The following TSC1 variants were observed in gnomAD, a reference collection of about 807,000 sequenced individuals.
TSC1 encodes TSC complex subunit 1.
TSC1 carries 20 observed loss-of-function variants against 124.3 expected under a neutral mutation model. That is an observed-to-expected ratio of 0.16 (90% CI 0.11 to 0.23). The LOEUF (loss-of-function observed/expected upper bound fraction) is 0.23, where lower values mean the gene tolerates loss of function less well. Among genes scored for constraint, TSC1 ranks in the 10% least tolerant of loss-of-function variants. The pLI, the probability that TSC1 is intolerant of heterozygous loss-of-function variation, is 1.00. For missense variants in TSC1, 1,124 were observed against 1,448.5 expected (o/e 0.78, Z 3.64); for synonymous variants, 493 against 539.1 (o/e 0.91, Z 1.19).
chr9:132,908,450 T>A (rs1021040450), intron 12 of TSC1, among the ~76,000 whole-genome samples: 2 of 152,178 alleles, frequency 1.3e-5, no homozygotes, highest in Non-Finnish European at 2.9e-5. Flanking sequence ...AGTAAACATA[T>A]GTGTTGTTGT....
chr9:132,900,040 A>T (rs6597584), intron 20 of TSC1: 1 of 154,100 alleles, frequency 6.5e-6, no homozygotes, highest in Non-Finnish European at 1.4e-5. Context: ...TCCAGTTCTA[A>T]GACTCCTCTC....
chr9:132,910,904 A>G, intron 11 of TSC1, 98 bp downstream of exon 11: 1 of 1,351,600 alleles, frequency 7.4e-7, no homozygotes, highest in Non-Finnish European at 1.1e-6. Flanking sequence ...AAACAAGTTT[A>G]CAACAGCAAG....
At chr9:132,904,736 C>T (rs1229770837) in intron 15 of TSC1, among the ~76,000 whole-genome samples, 1 of 152,224 alleles carries the variant, frequency 6.6e-6, no homozygotes, top group Non-Finnish European at 1.5e-5. Context: ...CTGAGCTGCA[C>T]TGCATACACC....
rs913206428 is a variant in TSC1, at chr9:132,909,053, T to C, written c.1263+1518A>G. Among the ~76,000 whole-genome samples, 57 of 151,920 alleles carry C rather than the reference T, an allele frequency of 3.8e-4. 1 individual carries two copies. Among genetic ancestry groups the C allele is most frequent in the Admixed American group, 1.1e-3 (17 of 15,238 alleles). On this transcript the variant is annotated intron_variant, in intron 12 of 22. Coordinates refer to ENST00000298552, the MANE Select transcript of TSC1 (RefSeq NM_000368.5). ...CCAAGTAGCTGGGATTACAGGTGCCTGCCACCATACCCGGCTAATGTCTAT... is the reference window on the plus strand; with the variant it reads ...CCAAGTAGCTGGGATTACAGGTGCCCGCCACCATACCCGGCTAATGTCTAT...
rs35234317 is a variant in TSC1, at chr9:132,908,901, C to CTTTTTTTTTTTTTTTTTTTTT, written c.1264-1532_1264-1531insAAAAAAAAAAAAAAAAAAAAA. ...TTAAAACCCACTAGTCTACCTTGCA[C>CTTTTTTTTTTTTTTTTTTTTT]TTTTTTTTTTTTTTTTTGTGACAGT... On this transcript the variant is annotated intron_variant, in intron 12 of 22. Coordinates refer to ENST00000298552, the MANE Select transcript of TSC1 (RefSeq NM_000368.5). Among the ~76,000 whole-genome samples the CTTTTTTTTTTTTTTTTTTTTT allele has an allele frequency of 2.3e-3, 282 of 121,448 alleles. 18 individuals carry two copies. The highest frequency in any genetic ancestry group is 8.6e-3 in the African/African-American group (258 of 30,088). 79.7% of individuals were successfully genotyped at this position (121,448 alleles called of 152,430 possible).
intron 1 of TSC1, among the ~76,000 whole-genome samples, chr9:132,937,391 C>T (rs1847511271): frequency 6.6e-6 from 1 of 152,132 alleles, no homozygotes; most frequent in Non-Finnish European, 1.5e-5. Flanking sequence ...TGCAATGAGT[C>T]GAGATAGTGC....
rs1564471057 is a variant in TSC1, at chr9:132,896,924, A to G, written c.2976-170T>C. On this transcript the variant is annotated intron_variant, in intron 22 of 22. Transcript: ENST00000298552. The surrounding 1 kb of genome is among the most constrained non-coding windows in gnomAD (Gnocchi z 4.5). Reference sequence around the variant, plus strand: ...CTCATCAAGAGAAACCTAAATCACAACTAGGGATAGTAGGTGGCAATCTTA... The same window carrying G: ...CTCATCAAGAGAAACCTAAATCACAGCTAGGGATAGTAGGTGGCAATCTTA... 6.6e-6 allele frequency among the ~76,000 whole-genome samples: 1 copy of G among 152,214 alleles called. No homozygotes were observed. The highest frequency in any genetic ancestry group is 1.5e-5 in the Non-Finnish European group (1 of 68,030).
intron 3 of TSC1, 94 bp downstream of exon 3, chr9:132,928,673 A>G: frequency 6.5e-7 from 1 of 1,535,936 alleles, no homozygotes; most frequent in South Asian, 1.2e-5. Context: ...TTTTCAGAAG[A>G]TGAAAACTAA....
At position 132,944,396 on chromosome 9, in the gene TSC1, C is replaced by G. The variant is rs573981564; in HGVS notation, c.-144+147G>C. The G allele has an allele frequency of 5.6e-5, 22 of 393,256 alleles. No homozygotes were observed. The East Asian group carries it at 7.6e-4, about 14-fold the overall frequency. 24.4% of individuals were successfully genotyped at this position (393,256 alleles called of 1,614,324 possible). A position where few individuals can be genotyped will look rare whatever the true frequency, so the allele number is the denominator to read the frequency against. On this transcript the variant is annotated intron_variant, in intron 1 of 22. Transcript: ENST00000298552. ...GCGTGTAATAAGAGGGAGGGGAGAG[C>G]TCTCCGAACCCCCCTTCCCCGGGAT...
In TSC1 at chr9:132,906,030, C is replaced by T. The variant is rs2131842929; in HGVS notation, c.1548G>A (p.Gln516=). The change falls in exon 15 of 23, where the codon CAG becomes CAA. Residue 516 remains glutamine (Q), a synonymous_variant. Transcript: ENST00000298552. This position sits in a 1 kb window ranked among gnomAD's most constrained non-coding sequence, Gnocchi z 4.1. ...PFYRDSLPGS[Q]RKTHSAASSS... Reference sequence around the variant, plus strand: ...TGGAGGCTGCCGAGTGGGTCTTCCGCTGAGAACCTGGGAGACTGTCTCGGT... The same window carrying T: ...TGGAGGCTGCCGAGTGGGTCTTCCGTTGAGAACCTGGGAGACTGTCTCGGT... 1.2e-6 allele frequency: 2 copies of T among 1,614,098 alleles called. No homozygotes were observed. The highest frequency in any genetic ancestry group is 4.5e-5 in the East Asian group (2 of 44,870).
At position 132,906,945 on chromosome 9, in the gene TSC1, C is replaced by T; in HGVS notation, c.1334-110G>A. 1 of 876,566 alleles carries T rather than the reference C, an allele frequency of 1.1e-6. No homozygotes were observed. Among genetic ancestry groups the T allele is most frequent in the South Asian group, 1.4e-5 (1 of 71,422 alleles). 54.3% of individuals were successfully genotyped at this position (876,566 alleles called of 1,614,324 possible). A position where few individuals can be genotyped will look rare whatever the true frequency, so the allele number is the denominator to read the frequency against. On this transcript the variant is annotated intron_variant, in intron 13 of 22. Transcript: ENST00000298552. This position sits in a 1 kb window ranked among gnomAD's most constrained non-coding sequence, Gnocchi z 4.1. Reference sequence around the variant, plus strand: ...GTCTGTAATAACTCTTCATGCTGAACAGAGAAGGCTGGACATGGCTCTGTC... The same window carrying T: ...GTCTGTAATAACTCTTCATGCTGAATAGAGAAGGCTGGACATGGCTCTGTC...
At chr9:132,929,104 T>G in intron 2 of TSC1, 152 bp from the exon 3 acceptor site, 1 of 612,912 alleles carries the variant, frequency 1.6e-6, no homozygotes, top group Middle Eastern at 4.6e-4. Flanking sequence ...ATTTAGCTGA[T>G]AAAAGAAGAT....
chr9:132,936,325 C>T (rs533088115), intron 1 of TSC1, among the ~76,000 whole-genome samples: 50 of 152,242 alleles, frequency 3.3e-4, no homozygotes, highest in African/African-American at 1.2e-3. Flanking sequence ...CTATGTTGCC[C>T]AGGCTGTTCC....
intron 2 of TSC1, among the ~76,000 whole-genome samples, chr9:132,930,587 C>CAAA (rs58163733): frequency 0.016 from 702 of 44,366 alleles, 27 homozygotes; most frequent in African/African-American, 0.029. Flanking sequence ...GACTCTGCCT[C>CAAA]AAAAAAAAAA....
chr9:132,912,628 A>G lies in TSC1; in HGVS notation c.738-171T>C, dbSNP rs1487741919. Reference sequence around the variant, plus strand: ...ACATAAAGAAATAGCCATTCATTTTACAATCCTATACCTTCCCTGTTTAAA... The same window carrying G: ...ACATAAAGAAATAGCCATTCATTTTGCAATCCTATACCTTCCCTGTTTAAA... On this transcript the variant is annotated intron_variant, in intron 8 of 22. Coordinates refer to ENST00000298552, the MANE Select transcript of TSC1 (RefSeq NM_000368.5). 7.3e-6 allele frequency: 5 copies of G among 684,968 alleles called. 1 individual carries two copies. The highest frequency in any genetic ancestry group is 1.0e-5 in the Non-Finnish European group (4 of 394,690). The allele number at this position is 684,968 out of a possible 1,614,324, so 42.4% of individuals were successfully genotyped here. A position where few individuals can be genotyped will look rare whatever the true frequency, so the allele number is the denominator to read the frequency against.
In TSC1 at chr9:132,896,275, T is replaced by C. The variant is rs1554812543; in HGVS notation, c.3455A>G (p.His1152Arg). ...PPTPDSVGQL[H>R]IMDYNETHHE... is the part of the protein sequence containing the mutation. Reference sequence around the variant, plus strand: ...ATGAGTCTCATTGTAGTCCATGATATGTAGCTGTCCAACACTGTCCGGGGT... The same window carrying C: ...ATGAGTCTCATTGTAGTCCATGATACGTAGCTGTCCAACACTGTCCGGGGT... Residue 1152 changes from histidine (H) to arginine (R), a missense_variant, in exon 23 of 23, where the codon CAT becomes CGT. By Grantham distance (29) the His-to-Arg change is conservative. Transcript: ENST00000298552. This position sits in a 1 kb window ranked among gnomAD's most constrained non-coding sequence, Gnocchi z 4.5. 7.4e-6 allele frequency: 12 copies of C among 1,614,190 alleles called. No homozygotes were observed. Among genetic ancestry groups the C allele is most frequent in the African/African-American group, 1.3e-5 (1 of 75,038 alleles).
rs1845511359 is a variant in TSC1 at position 132,903,808 on chromosome 9, G to C, written c.2051C>G (p.Pro684Arg). The C allele has an allele frequency of 1.9e-6, 3 of 1,613,910 alleles. No homozygotes were observed. The highest frequency in any genetic ancestry group is 2.5e-6 in the Non-Finnish European group (3 of 1,180,016). Residue 684 changes from proline (P) to arginine (R), a missense_variant, in exon 17 of 23, where the codon CCT becomes CGT. By Grantham distance (103) the Pro-to-Arg change is moderately radical. Transcript: ENST00000298552. The surrounding 1 kb of genome is among the most constrained non-coding windows in gnomAD (Gnocchi z 5.9). ...VDWTHFGGSP[P>R]SDEIRTLRDQ... The stretch of plus-strand genomic sequence containing the variant: ...TCGGAGGGTGCGGATCTCATCTGAA[G>C]GAGGAGAGCCTGATTGTAAAGCAGA...
intron 8 of TSC1, among the ~76,000 whole-genome samples, chr9:132,918,435 C>A (rs1281297147): frequency 6.6e-6 from 1 of 152,144 alleles, no homozygotes; most frequent in African/African-American, 2.4e-5. Flanking sequence ...GAGGAGCAGT[C>A]ACAACCCCTG....
intron 12 of TSC1, among the ~76,000 whole-genome samples, chr9:132,909,374 G>A (rs888859911): frequency 1.3e-5 from 2 of 152,068 alleles, no homozygotes; most frequent in African/African-American, 2.4e-5. Flanking sequence ...CAGACTTTTC[G>A]GTCTCATCAT....
Sources: gnomAD v4.1 joint callset for allele counts (sites outside exome capture counted in the v4.1 genomes callset) on GRCh38, gnomAD v4.1.1 for gene constraint, Gnocchi (gnomAD v3.1) non-coding constraint, MANE v1.5 for transcripts, NCBI Gene and HGNC (gene_info 2026-07-23, HGNC 2026-07-21) for gene names.